ELAVL4: variants seen among roughly 807,000 people sequenced by gnomAD.
The protein encoded by ELAVL4 is ELAV-like protein 4.
A neutral mutation model predicts 35.6 loss-of-function variants in ELAVL4; 1 was observed. That is an observed-to-expected ratio of 0.03 (90% CI 0.01 to 0.13). The LOEUF is 0.13. Among genes scored for constraint, ELAVL4 ranks in the 10% least tolerant of loss-of-function variants. The pLI is 1.00. For missense variants in ELAVL4, 267 were observed against 464.9 expected, an observed-to-expected ratio of 0.57 and a Z score of 3.91; for synonymous variants, 156 against 171.0, an observed-to-expected ratio of 0.91 and a Z score of 0.69.
At chr1:50,152,414 A>T (rs887187986) in intron 2 of ELAVL4, among the ~76,000 whole-genome samples, 9 of 150,100 alleles carry the variant, frequency 6.0e-5, no homozygotes, top group African/African-American at 2.2e-4. Flanking sequence ...TTCCCCCAAC[A>T]CACACACACA....
At chr1:50,193,021 T>C (rs1222836090) in intron 3 of ELAVL4, among the ~76,000 whole-genome samples, 1 of 152,062 alleles carries the variant, frequency 6.6e-6, no homozygotes, top group Non-Finnish European at 1.5e-5. Flanking sequence ...GAGGCTCTCT[T>C]CTCTCTCTCT....
intron 1 of ELAVL4, among the ~76,000 whole-genome samples, chr1:50,118,997 A>C (rs2148579513): frequency 6.7e-6 from 1 of 149,584 alleles, no homozygotes; most frequent in Middle Eastern, 3.4e-3. Flanking sequence ...AGAGAGAGAG[A>C]CAGAGAGAAA....
At position 50,128,755 on chromosome 1, in the gene ELAVL4, G is replaced by A. The variant is rs112667411; in HGVS notation, c.10-16202G>A. On this transcript the variant is annotated intron_variant, in intron 1 of 6. Transcript: ENST00000371824. ...ACAGGAGAGAACACAGTGTGTTCTGGTTTGTCATTGCTGGCTGCAGAAGCC... is the reference window on the plus strand; with the variant it reads ...ACAGGAGAGAACACAGTGTGTTCTGATTTGTCATTGCTGGCTGCAGAAGCC... Among the ~76,000 whole-genome samples the A allele has an allele frequency of 2.7e-3, 407 of 152,188 alleles. 4 individuals carry two copies. Among genetic ancestry groups the A allele is most frequent in the African/African-American group, 9.5e-3 (394 of 41,548 alleles).
Position 50,203,654 on chromosome 1 carries a change from G to T in ELAVL4, c.*2476G>T, listed in dbSNP as rs1161803384. 6.6e-6 allele frequency: 1 copy of T among 152,020 alleles called. No individual in the cohort carries two copies. Among genetic ancestry groups the T allele is most frequent in the Non-Finnish European group, 1.5e-5 (1 of 67,980 alleles). 9.4% of individuals were successfully genotyped at this position (152,020 alleles called of 1,614,324 possible). ...TAATGAATGACTTCATGTTAATCTT[G>T]CTAGTTTAGATGATTTCCAAGGGAA... On this transcript the variant is annotated 3_prime_UTR_variant, in exon 7 of 7. Transcript: ENST00000371824.
At chr1:50,146,390 T>C (rs77366926) in intron 2 of ELAVL4, among the ~76,000 whole-genome samples, 143 of 152,288 alleles carry the variant, frequency 9.4e-4, no homozygotes, top group African/African-American at 3.4e-3. Flanking sequence ...GACATAATTT[T>C]CTTATTTGAA....
chr1:50,168,677 C>T (rs1678409342), intron 2 of ELAVL4, among the ~76,000 whole-genome samples: 1 of 152,140 alleles, frequency 6.6e-6, no homozygotes, highest in Admixed American at 6.5e-5. Flanking sequence ...CTCCTTGCCA[C>T]TCACGAGCGG....
intron 2 of ELAVL4, among the ~76,000 whole-genome samples, chr1:50,171,912 G>A (rs1679070913): frequency 6.6e-6 from 1 of 152,108 alleles, no homozygotes; most frequent in Non-Finnish European, 1.5e-5. Context: ...AGGTGACTGG[G>A]GATTTTATCA....
intron 1 of ELAVL4, among the ~76,000 whole-genome samples, chr1:50,095,924 C>G (rs550982123): frequency 6.6e-6 from 1 of 152,230 alleles, no homozygotes; most frequent in South Asian, 2.1e-4. Flanking sequence ...CTTCCACTTT[C>G]GAGTTTCTGA....
chr1:50,128,742 A>G (rs917986869), intron 1 of ELAVL4, among the ~76,000 whole-genome samples: 2 of 152,112 alleles, frequency 1.3e-5, no homozygotes, highest in Admixed American at 1.3e-4. Flanking sequence ...AGGAGAGAAC[A>G]CAGTGTGTTC....
chr1:50,087,623 A>T (rs968381845), intron 1 of ELAVL4, among the ~76,000 whole-genome samples: 1 of 152,218 alleles, frequency 6.6e-6, no homozygotes, highest in South Asian at 2.1e-4. Context: ...TTGCATATTG[A>T]AGCTCTAGCT....
chr1:50,095,632 C>T (rs1049253492), intron 1 of ELAVL4, among the ~76,000 whole-genome samples: 1 of 152,144 alleles, frequency 6.6e-6, no homozygotes, highest in Non-Finnish European at 1.5e-5. Context: ...ACTTGCACTT[C>T]CTAGGGTTTT....
intron 2 of ELAVL4, among the ~76,000 whole-genome samples, chr1:50,158,143 T>C (rs1260370039): frequency 6.6e-6 from 1 of 152,202 alleles, no homozygotes; most frequent in East Asian, 1.9e-4. Context: ...CATTAATTTA[T>C]GTAAACTACC....
intron 2 of ELAVL4, among the ~76,000 whole-genome samples, chr1:50,172,259 GGGGTTATAA>G (rs1243999626): frequency 6.6e-6 from 1 of 152,102 alleles, no homozygotes; most frequent in Non-Finnish European, 1.5e-5. Context: ...GGGAAAATAA[GGGGTTATAA>G]CCAGCTATGC....
At chr1:50,088,406 A>ATCCTT (rs937956915) in intron 1 of ELAVL4, among the ~76,000 whole-genome samples, 9 of 152,160 alleles carry the variant, frequency 5.9e-5, no homozygotes, top group Non-Finnish European at 8.8e-5. Context: ...GAACCATAGA[A>ATCCTT]TCCTTTTGGG....
chr1:50,102,059 G>A (rs543683384), upstream of ELAVL4, among the ~76,000 whole-genome samples: 9 of 152,246 alleles, frequency 5.9e-5, no homozygotes, highest in South Asian at 1.2e-3. Context: ...AGGCCGTGGC[G>A]GGCAGATCAC....
upstream of ELAVL4, among the ~76,000 whole-genome samples, chr1:50,105,338 T>C (rs1268681756): frequency 6.6e-6 from 1 of 152,248 alleles, no homozygotes; most frequent in Non-Finnish European, 1.5e-5. Context: ...ATTTTCCTTG[T>C]TCATCCTTTG....
intron 1 of ELAVL4, 132 bp from the exon 2 acceptor site, chr1:50,144,825 C>T (rs753685310): frequency 1.4e-5 from 19 of 1,405,630 alleles, no homozygotes; most frequent in Non-Finnish European, 1.8e-5. Context: ...TGGCTGTGTT[C>T]ACAACCCAGT....
chr1:50,160,945 G>A (rs535534565), intron 2 of ELAVL4, among the ~76,000 whole-genome samples: 1 of 152,296 alleles, frequency 6.6e-6, no homozygotes, highest in South Asian at 2.1e-4. Context: ...GTTAAATATA[G>A]CAGTTCCTTT....
chr1:50,131,536 T>C (rs1277890377), intron 1 of ELAVL4, among the ~76,000 whole-genome samples: 2 of 152,064 alleles, frequency 1.3e-5, no homozygotes, highest in African/African-American at 4.8e-5. Context: ...ACACCTGTAA[T>C]CCCAGCACTT....
Sources: gnomAD v4.1 joint callset for allele counts (sites outside exome capture counted in the v4.1 genomes callset) on GRCh38, gnomAD v4.1.1 for gene constraint, MANE v1.5 for transcripts, NCBI Gene and HGNC (gene_info 2026-07-23, HGNC 2026-07-21) for gene names.